Variants in GRB14 observed in about 807,000 individuals in gnomAD.
The protein encoded by GRB14 is growth factor receptor-bound protein 14.
Under a neutral mutation model 69.1 loss-of-function variants are expected in GRB14, and 38 were observed. The observed-to-expected ratio is 0.55, with a 90% CI of 0.42 to 0.72. The LOEUF (loss-of-function observed/expected upper bound fraction) is 0.72, where lower values mean the gene tolerates loss of function less well. Ranked by LOEUF, GRB14 falls within the 30% of genes least tolerant of loss-of-function variation. GRB14 has a pLI of 0.00. For missense variants in GRB14, 666 were observed against 666.1 expected, an observed-to-expected ratio of 1.00 and a Z score of 0.00; for synonymous variants, 247 against 241.3, an observed-to-expected ratio of 1.02 and a Z score of -0.22.
intron 2 of GRB14, among the ~76,000 whole-genome samples, chr2:164,610,539 GA>G (rs1477838130): frequency 7.9e-5 from 12 of 151,852 alleles, no homozygotes; most frequent in African/African-American, 2.7e-4. Flanking sequence ...TAATTGTCAA[GA>G]AAAAATTTTA....
intron 12 of GRB14, among the ~76,000 whole-genome samples, chr2:164,496,550 G>C (rs1368823763): frequency 6.6e-6 from 1 of 152,008 alleles, no homozygotes. Context: ...AAAAAAATAA[G>C]TGTTCAAAAC....
intron 9 of GRB14, among the ~76,000 whole-genome samples, chr2:164,499,304 T>C (rs1342426864): frequency 1.3e-5 from 2 of 152,092 alleles, no homozygotes; most frequent in African/African-American, 2.4e-5. Context: ...TTGACATACA[T>C]AAGAAGACGA....
intron 10 of GRB14, 37 bp downstream of exon 10, chr2:164,497,337 A>G (rs1322634029): frequency 6.2e-7 from 1 of 1,604,968 alleles, no homozygotes; most frequent in Non-Finnish European, 8.5e-7. Context: ...ACAAACTGAA[A>G]TCATAAATAT....
intron 9 of GRB14, among the ~76,000 whole-genome samples, chr2:164,500,529 G>C (rs890302696): frequency 6.6e-6 from 1 of 152,066 alleles, no homozygotes; most frequent in Non-Finnish European, 1.5e-5. Flanking sequence ...TTAGGCCCCT[G>C]ATTCTTCCCA....
At chr2:164,537,781 C>T (rs556601679) in intron 3 of GRB14, among the ~76,000 whole-genome samples, 6 of 152,206 alleles carry the variant, frequency 3.9e-5, no homozygotes, top group Non-Finnish European at 5.9e-5. Context: ...CCGGTCTGTG[C>T]GTGCCACCAG....
At chr2:164,511,081 G>A (rs1020942412) in intron 6 of GRB14, among the ~76,000 whole-genome samples, 1 of 152,140 alleles carries the variant, frequency 6.6e-6, no homozygotes, top group African/African-American at 2.4e-5. Flanking sequence ...TAACCAGAGG[G>A]GAACCGCCCA....
chr2:164,614,150 T>C (rs1179117980), intron 2 of GRB14, among the ~76,000 whole-genome samples: 1 of 152,080 alleles, frequency 6.6e-6, no homozygotes, highest in Non-Finnish European at 1.5e-5. Context: ...CTGCACGCTT[T>C]CAAATTCTCC....
chr2:164,609,390 A>T (rs760575335), intron 2 of GRB14, among the ~76,000 whole-genome samples: 1 of 152,142 alleles, frequency 6.6e-6, no homozygotes, highest in African/African-American at 2.4e-5. Flanking sequence ...CTGCAGCCCA[A>T]CTTCTCCCTG....
At chr2:164,534,900 T>G (rs1688040912) in intron 3 of GRB14, among the ~76,000 whole-genome samples, 1 of 152,138 alleles carries the variant, frequency 6.6e-6, no homozygotes, top group Non-Finnish European at 1.5e-5. Context: ...TTTAAAACTT[T>G]ATAAAATCCA....
At chr2:164,575,873 A>G (rs1183011600) in intron 2 of GRB14, among the ~76,000 whole-genome samples, 1 of 152,154 alleles carries the variant, frequency 6.6e-6, no homozygotes, top group African/African-American at 2.4e-5. Context: ...ATAAATTGGA[A>G]AACATAAAAT....
Position 164,549,675 on chromosome 2 carries a change from C to T in GRB14, c.325-1859G>A, listed in dbSNP as rs563516587. Among the ~76,000 whole-genome samples the T allele has an allele frequency of 5.7e-4, 86 of 151,934 alleles. 2 individuals carry two copies. Among genetic ancestry groups the T allele is most frequent in the Admixed American group, 5.5e-3 (84 of 15,236 alleles). On this transcript the variant is annotated intron_variant, in intron 2 of 13. Coordinates refer to ENST00000263915, the MANE Select transcript of GRB14 (RefSeq NM_004490.3). The stretch of plus-strand genomic sequence containing the variant: ...GTCAGGAGTTCAAGACCAGCCTGGC[C>T]AACATGGCAAAACCCCATCTCCACT...
At chr2:164,555,800 C>T (rs979183712) in intron 2 of GRB14, among the ~76,000 whole-genome samples, 1 of 151,500 alleles carries the variant, frequency 6.6e-6, no homozygotes, top group Non-Finnish European at 1.5e-5. Context: ...AGAAACAAGG[C>T]TCACAGGAAT....
intron 9 of GRB14, among the ~76,000 whole-genome samples, chr2:164,500,708 C>T (rs1398648721): frequency 6.6e-6 from 1 of 152,094 alleles, no homozygotes; most frequent in South Asian, 2.1e-4. Context: ...CTTTACCACA[C>T]AGGCACCTGC....
chr2:164,545,183 T>A (rs1688342916), intron 3 of GRB14, among the ~76,000 whole-genome samples: 1 of 152,212 alleles, frequency 6.6e-6, no homozygotes, highest in African/African-American at 2.4e-5. Flanking sequence ...CACTGATAAA[T>A]TATTTAAAAT....
In GRB14 at chr2:164,521,849, G is replaced by GTT. The variant is rs1330025084; in HGVS notation, c.816+129_816+130dup. On this transcript the variant is annotated intron_variant, in intron 6 of 13. Coordinates refer to ENST00000263915, the MANE Select transcript of GRB14 (RefSeq NM_004490.3). ...TAGTGTTTAAATAATCAAGGCAAAC[G>GTT]TTTTAAATCAAGAAAATCAAAGACC... 11 of 777,036 alleles carry GTT rather than the reference G, an allele frequency of 1.4e-5. No individual in the cohort carries two copies. In the East Asian group the frequency reaches 2.3e-4, roughly 17 times the overall value. 48.1% of individuals were successfully genotyped at this position (777,036 alleles called of 1,614,324 possible). A position where few individuals can be genotyped will look rare whatever the true frequency, so the allele number is the denominator to read the frequency against.
chr2:164,529,043 G>A (rs1559036316), intron 3 of GRB14, among the ~76,000 whole-genome samples: 1 of 152,136 alleles, frequency 6.6e-6, no homozygotes. Flanking sequence ...AACAAATGTG[G>A]TATACGCAGT....
chr2:164,615,692 CT>C (rs937607691), intron 2 of GRB14, among the ~76,000 whole-genome samples: 25 of 152,276 alleles, frequency 1.6e-4, no homozygotes, highest in African/African-American at 6.0e-4. Flanking sequence ...TTTCATGACA[CT>C]GGTTTTCATA....
At position 164,493,074 on chromosome 2, in the gene GRB14, A is replaced by G; in HGVS notation, c.1585T>C (p.Cys529Arg). The G allele has an allele frequency of 6.2e-7, 1 of 1,613,654 alleles. No homozygotes were observed. Among genetic ancestry groups the G allele is most frequent in the Non-Finnish European group, 8.5e-7 (1 of 1,179,668 alleles). Residue 529 changes from cysteine to arginine, a missense_variant, in exon 14 of 14, where the codon TGC becomes CGC. Physicochemically the swap from Cys to Arg is radical, Grantham distance 180. Transcript: ENST00000263915. ...FYQLNKGVLP[C>R]KLKHYCARIA... ...CTAGCACAATAATGTTTCAACTTGC[A>G]AGGAAGAACGCCCTTATTGAGTTGA... is the stretch of plus-strand genomic sequence containing the variant.
chr2:164,514,712 T>C (rs1248725156), intron 6 of GRB14, among the ~76,000 whole-genome samples: 1 of 150,540 alleles, frequency 6.6e-6, no homozygotes, highest in Admixed American at 6.6e-5. Flanking sequence ...GGGGAGGGGG[T>C]GAATCAGGAG....
Sources: gnomAD v4.1 joint callset for allele counts (sites outside exome capture counted in the v4.1 genomes callset) on GRCh38, gnomAD v4.1.1 for gene constraint, MANE v1.5 for transcripts, NCBI Gene and HGNC (gene_info 2026-07-23, HGNC 2026-07-21) for gene names.